SOX5: variants seen among roughly 807,000 people sequenced by gnomAD.
SOX5 encodes the protein SRY-box transcription factor 5.
Under a neutral mutation model 92.0 loss-of-function variants are expected in SOX5, and 9 were observed. The ratio of observed to expected loss-of-function variants is 0.10; its 90% CI spans 0.06 to 0.17. The LOEUF is 0.17. Among genes scored for constraint, SOX5 ranks in the 10% least tolerant of loss-of-function variants. The pLI is 1.00. For synonymous variants in SOX5, 344 were observed against 336.3 expected (o/e 1.02, Z -0.25); for missense variants, 642 against 944.5 (o/e 0.68, Z 4.20).
chr12:23,949,415 C>T (rs1277732198), intron 1 of SOX5, 149 bp downstream of exon 1: 11 of 961,772 alleles, frequency 1.1e-5, no homozygotes, highest in African/African-American at 3.3e-5. Context: ...GCAATCACAA[C>T]AAAAAATCAG....
At chr12:23,938,938 A>C (rs562215793) in intron 1 of SOX5, among the ~76,000 whole-genome samples, 27 of 151,218 alleles carry the variant, frequency 1.8e-4, no homozygotes, top group Non-Finnish European at 3.6e-4. Context: ...TTAAACAAAA[A>C]ATCATTTTTA....
In SOX5 at chr12:23,665,459, A is replaced by G; in HGVS notation, c.916T>C (p.Tyr306His). The stretch of plus-strand genomic sequence containing the variant: ...CAGTACTTACTACATCCAGCCTTAT[A>G]GCTGAAGCCTGGAGGGAGGAGGAAT... The part of the protein sequence containing the change: ...QGFLLPPGFS[Y>H]KAGCSDPYPV... The change falls in exon 7 of 15, where the codon TAT (tyrosine) becomes CAT (histidine). Residue 306 changes from tyrosine to histidine, a missense_variant. Physicochemically the swap from Tyr to His is moderately conservative, Grantham distance 83 (BLOSUM62 2). This residue lies in a region of SOX5 where 324 missense variants were observed against 461.6 expected (regional missense o/e 0.70). Transcript: ENST00000451604. The G allele has an allele frequency of 6.2e-7, 1 of 1,613,578 alleles. No homozygotes were observed. Among genetic ancestry groups the G allele is most frequent in the East Asian group, 2.2e-5 (1 of 44,852 alleles).
At position 23,532,016 on chromosome 12, in the gene SOX5, C is replaced by A. The variant is rs1939196883; in HGVS notation, c.*2203G>T. ...ATCTAACAGCTTATTGGCTGCACTT[C>A]CAAATCAGAGCAGAATAAAATAGAA... On this transcript the variant is annotated 3_prime_UTR_variant, in exon 15 of 15. Coordinates refer to ENST00000451604, the MANE Select transcript of SOX5 (RefSeq NM_006940.6). 6.7e-6 allele frequency: 1 copy of A among 150,192 alleles called. No individual in the cohort carries two copies. The highest frequency in any genetic ancestry group is 6.7e-5 in the Admixed American group (1 of 15,020). 9.3% of individuals were successfully genotyped at this position (150,192 alleles called of 1,614,324 possible). A position where few individuals can be genotyped will look rare whatever the true frequency, so the allele number is the denominator to read the frequency against.
intron 4 of SOX5, among the ~76,000 whole-genome samples, chr12:24,089,162 G>A (rs2137738703): frequency 6.6e-6 from 1 of 152,190 alleles, no homozygotes; most frequent in South Asian, 2.1e-4. Flanking sequence ...AGGAAGATAA[G>A]AGAAATATAA....
chr12:24,331,848 C>CAAAAAA lies in SOX5; in HGVS notation c.-174+36709_-174+36714dup, dbSNP rs10627494. 6.1e-3 allele frequency among the ~76,000 whole-genome samples: 192 copies of CAAAAAA among 31,664 alleles called. 16 individuals are homozygous for CAAAAAA. Among genetic ancestry groups the CAAAAAA allele is most frequent in the African/African-American group, 0.025 (172 of 6,878 alleles). The allele number at this position is 31,664 out of a possible 152,430, so 20.8% of individuals were successfully genotyped here. A position where few individuals can be genotyped will look rare whatever the true frequency, so the allele number is the denominator to read the frequency against. On this transcript the variant is annotated intron_variant, in intron 2 of 4. Coordinates refer to the SOX5 transcript ENST00000446891. ...GCCTGGGAACAGAGCAAGACTGTCT[C>CAAAAAA]AAAAAAAAAAAAAAAAAAAAAAAAA... is the stretch of plus-strand genomic sequence containing the variant.
At chr12:24,351,603 T>A (rs1954093073) in intron 2 of SOX5, among the ~76,000 whole-genome samples, 1 of 152,196 alleles carries the variant, frequency 6.6e-6, no homozygotes, top group South Asian at 2.1e-4. Flanking sequence ...TTTATTGTTA[T>A]TAAAAATTGC....
At chr12:24,362,078 G>A (rs1251293314) in intron 2 of SOX5, among the ~76,000 whole-genome samples, 1 of 152,138 alleles carries the variant, frequency 6.6e-6, no homozygotes, top group Non-Finnish European at 1.5e-5. Flanking sequence ...GTTTGATGGT[G>A]GGTGGGTAAG....
At chr12:23,561,136 C>T (rs184828479) in intron 11 of SOX5, among the ~76,000 whole-genome samples, 1 of 152,102 alleles carries the variant, frequency 6.6e-6, no homozygotes, top group Non-Finnish European at 1.5e-5. Context: ...AACTGTCCAA[C>T]AGGTTTTGGA....
chr12:24,348,946 T>C (rs915895395), intron 2 of SOX5, among the ~76,000 whole-genome samples: 3 of 152,228 alleles, frequency 2.0e-5, no homozygotes, highest in Non-Finnish European at 4.4e-5. Flanking sequence ...CCACCATGAC[T>C]GTGAGGCCTC....
intron 1 of SOX5, among the ~76,000 whole-genome samples, chr12:24,526,947 T>G (rs1950765638): frequency 6.6e-6 from 1 of 151,972 alleles, no homozygotes; most frequent in African/African-American, 2.4e-5. Context: ...GCCTCCCAAG[T>G]AGCTGGGCCT....
intron 1 of SOX5, among the ~76,000 whole-genome samples, chr12:24,491,814 T>C (rs1018081434): frequency 2.6e-5 from 4 of 152,154 alleles, no homozygotes; most frequent in African/African-American, 9.7e-5. Flanking sequence ...AGGAAAACAC[T>C]TTATTTTTTA....
intron 4 of SOX5, among the ~76,000 whole-genome samples, chr12:23,752,138 G>A (rs2094200403): frequency 6.8e-6 from 1 of 148,144 alleles, no homozygotes; most frequent in Non-Finnish European, 1.5e-5. Flanking sequence ...TAGAGAAACT[G>A]GTCTAGAATT....
chr12:24,146,276 A>G (rs1475012006), intron 4 of SOX5, among the ~76,000 whole-genome samples: 2 of 152,158 alleles, frequency 1.3e-5, no homozygotes, highest in African/African-American at 4.8e-5. Context: ...CGAATCCTAC[A>G]TAGTATGTTC....
At chr12:24,060,754 G>T (rs1050580823) in intron 4 of SOX5, among the ~76,000 whole-genome samples, 2 of 152,164 alleles carry the variant, frequency 1.3e-5, no homozygotes, top group Non-Finnish European at 2.9e-5. Context: ...AAGCTATAAA[G>T]AAAGAAACTC....
intron 1 of SOX5, among the ~76,000 whole-genome samples, chr12:23,903,698 C>T (rs2097261230): frequency 6.6e-6 from 1 of 152,146 alleles, no homozygotes; most frequent in Non-Finnish European, 1.5e-5. Context: ...TAATACTTTC[C>T]TGGAAGTTAT....
chr12:23,944,636 G>C (rs924825618), intron 1 of SOX5, among the ~76,000 whole-genome samples: 1 of 152,102 alleles, frequency 6.6e-6, no homozygotes, highest in Non-Finnish European at 1.5e-5. Context: ...AATATCACTT[G>C]ATCCTGTTTA....
At chr12:23,692,100 C>T (rs1362714978) in intron 6 of SOX5, among the ~76,000 whole-genome samples, 1 of 152,002 alleles carries the variant, frequency 6.6e-6, no homozygotes, top group Non-Finnish European at 1.5e-5. Context: ...TATAAATTTC[C>T]TGCCTCCTAA....
rs80011494 is a variant in SOX5 at position 23,978,826 on chromosome 12, C to G, written c.-1-82802G>C. Among the ~76,000 whole-genome samples the G allele has an allele frequency of 1.0e-3, 159 of 152,252 alleles. 5 individuals are homozygous for G. The East Asian group carries it at 0.029, about 28-fold the overall frequency. Reference sequence around the variant, plus strand: ...AGGAATTATATTTTTCCCAAATACTCTATTAAATGATTCATCACCTTTAGA... The same window carrying G: ...AGGAATTATATTTTTCCCAAATACTGTATTAAATGATTCATCACCTTTAGA... On this transcript the variant is annotated intron_variant, in intron 4 of 4. Transcript: ENST00000446891.
At chr12:24,088,364 T>C (rs1044301427) in intron 4 of SOX5, among the ~76,000 whole-genome samples, 2 of 152,098 alleles carry the variant, frequency 1.3e-5, no homozygotes, top group Admixed American at 6.6e-5. Flanking sequence ...AAGTTTTTCA[T>C]TTTAATAAGA....
Sources: gnomAD v4.1 joint callset for allele counts (sites outside exome capture counted in the v4.1 genomes callset) on GRCh38, gnomAD v4.1.1 for gene constraint, gnomAD v4.1.1 regional missense constraint, MANE v1.5 for transcripts, NCBI Gene and HGNC (gene_info 2026-07-23, HGNC 2026-07-21) for gene names.